Variants in MARCHF1 observed in about 807,000 individuals in gnomAD.
MARCHF1 encodes E3 ubiquitin-protein ligase MARCHF1.
A neutral mutation model predicts 54.2 loss-of-function variants in MARCHF1; 40 were observed. That is an observed-to-expected ratio of 0.74 (90% CI 0.57 to 0.96). The LOEUF is 0.96. Ranked by LOEUF, MARCHF1 falls within the 40% of genes least tolerant of loss-of-function variation. The probability of loss-of-function intolerance (pLI) is 0.00; values close to 1 mark genes in which losing one functional copy is unlikely to be tolerated. For missense variants in MARCHF1, 586 were observed against 656.5 expected (o/e 0.89, Z 1.17); for synonymous variants, 236 against 236.3 (o/e 1.00, Z 0.01).
intron 1 of MARCHF1, among the ~76,000 whole-genome samples, chr4:164,263,921 G>A (rs191762277): frequency 2.0e-5 from 3 of 152,160 alleles, no homozygotes; most frequent in Non-Finnish European, 4.4e-5. Flanking sequence ...TTCAATCATT[G>A]TGCAAAGAAC....
At chr4:163,570,224 A>G (rs779946007) in intron 8 of MARCHF1, among the ~76,000 whole-genome samples, 8 of 152,074 alleles carry the variant, frequency 5.3e-5, no homozygotes, top group Non-Finnish European at 1.2e-4. Context: ...AAAAATGTGC[A>G]CGCTACCCTC....
intron 2 of MARCHF1, among the ~76,000 whole-genome samples, chr4:164,070,068 C>T (rs1754830093): frequency 6.6e-6 from 1 of 152,096 alleles, no homozygotes; most frequent in African/African-American, 2.4e-5. Context: ...AAACATGGAG[C>T]ATACATTGAC....
chr4:163,944,812 T>C (rs947311817), intron 3 of MARCHF1, among the ~76,000 whole-genome samples: 1 of 152,200 alleles, frequency 6.6e-6, no homozygotes, highest in African/African-American at 2.4e-5. Flanking sequence ...TTCAGCCCCA[T>C]GTCCACAGAT....
At chr4:163,728,945 T>A (rs1328386216) in intron 4 of MARCHF1, among the ~76,000 whole-genome samples, 1 of 152,160 alleles carries the variant, frequency 6.6e-6, no homozygotes, top group East Asian at 1.9e-4. Context: ...TTGAGGAAGT[T>A]TTCTTCTATT....
At chr4:163,764,922 T>C (rs1323862051) in intron 4 of MARCHF1, among the ~76,000 whole-genome samples, 1 of 152,140 alleles carries the variant, frequency 6.6e-6, no homozygotes. Context: ...AGAATTCATA[T>C]GATATAAACT....
chr4:164,307,192 C>T (rs1734717772), intron 1 of MARCHF1, among the ~76,000 whole-genome samples: 1 of 152,124 alleles, frequency 6.6e-6, no homozygotes, highest in African/African-American at 2.4e-5. Flanking sequence ...GGACAGGACC[C>T]TCAGATACAT....
At chr4:164,201,344 C>T (rs995282374) in intron 1 of MARCHF1, among the ~76,000 whole-genome samples, 1 of 152,116 alleles carries the variant, frequency 6.6e-6, no homozygotes, top group African/African-American at 2.4e-5. Context: ...CTCAGCCTCC[C>T]TAGTAGTTGG....
At chr4:164,256,858 T>A (rs1010724800) in intron 1 of MARCHF1, among the ~76,000 whole-genome samples, 4 of 152,314 alleles carry the variant, frequency 2.6e-5, no homozygotes, top group Admixed American at 6.5e-5. Flanking sequence ...GGTCATTTTT[T>A]AATGTAATAC....
chr4:163,666,969 T>C (rs982358069), intron 5 of MARCHF1, among the ~76,000 whole-genome samples: 1 of 152,080 alleles, frequency 6.6e-6, no homozygotes, highest in Non-Finnish European at 1.5e-5. Context: ...CCCTGCTTTG[T>C]TGTTTAATTA....
In MARCHF1 at chr4:164,223,763, T is replaced by A. The variant is rs531110299; in HGVS notation, c.-322-112101A>T. The stretch of plus-strand genomic sequence containing the variant: ...CAAAGTGTGTTTCCTGAAATACTAA[T>A]GCTGCTCTTTAAAAAAGTGTTCCTT... On this transcript the variant is annotated intron_variant, in intron 1 of 9. Transcript: ENST00000514618. Among the ~76,000 whole-genome samples the A allele has an allele frequency of 5.3e-5, 8 of 151,910 alleles. No individual in the cohort carries two copies. In the East Asian group the frequency reaches 7.7e-4, roughly 15 times the overall value.
At chr4:164,376,572 C>T (rs1731199961) in intron 1 of MARCHF1, among the ~76,000 whole-genome samples, 1 of 152,096 alleles carries the variant, frequency 6.6e-6, no homozygotes, top group African/African-American at 2.4e-5. Context: ...GCAGTTGGGT[C>T]ACTTCCATGG....
Position 163,835,177 on chromosome 4 carries a change from C to T in MARCHF1, c.111+18844G>A, listed in dbSNP as rs60029902. On this transcript the variant is annotated intron_variant, in intron 4 of 9. Transcript: ENST00000514618. The stretch of plus-strand genomic sequence containing the variant: ...GATAAATGGTATAAACCACCATGTC[C>T]GGGCCATGTAACTATTTATATTAAT... Among the ~76,000 whole-genome samples the T allele has an allele frequency of 3.2e-3, 485 of 152,200 alleles. 2 individuals carry two copies. Among genetic ancestry groups the T allele is most frequent in the East Asian group, 0.012 (62 of 5,178 alleles).
intron 1 of MARCHF1, among the ~76,000 whole-genome samples, chr4:164,373,661 C>A (rs900808702): frequency 3.9e-5 from 6 of 151,932 alleles, no homozygotes; most frequent in African/African-American, 1.5e-4. Context: ...AGCCCAAAAA[C>A]CACTTTATAT....
chr4:163,774,546 G>A (rs1309659792), intron 4 of MARCHF1, among the ~76,000 whole-genome samples: 1 of 146,790 alleles, frequency 6.8e-6, no homozygotes, highest in Non-Finnish European at 1.5e-5. Flanking sequence ...TGCCCAGGCT[G>A]GAGTGCAATG....
chr4:164,369,830 A>G (rs1730985600), intron 1 of MARCHF1, among the ~76,000 whole-genome samples: 1 of 152,224 alleles, frequency 6.6e-6, no homozygotes, highest in Non-Finnish European at 1.5e-5. Flanking sequence ...AGCCTACACA[A>G]TAGAACCTCA....
intron 4 of MARCHF1, among the ~76,000 whole-genome samples, chr4:163,814,498 C>T (rs1257267319): frequency 1.3e-5 from 2 of 152,106 alleles, no homozygotes; most frequent in African/African-American, 2.4e-5. Context: ...GCAGGAGTAT[C>T]GCCTGAACCC....
chr4:163,770,042 T>C (rs1047284175), intron 4 of MARCHF1, among the ~76,000 whole-genome samples: 3 of 151,726 alleles, frequency 2.0e-5, no homozygotes, highest in Non-Finnish European at 4.4e-5. Flanking sequence ...AGATATATTT[T>C]CTCTTCCTTA....
At chr4:163,741,761 T>C (rs940611549) in intron 4 of MARCHF1, among the ~76,000 whole-genome samples, 1 of 152,148 alleles carries the variant, frequency 6.6e-6, no homozygotes, top group Non-Finnish European at 1.5e-5. Context: ...GAGTGTGTTG[T>C]CTTTTTTATG....
chr4:163,843,621 A>G (rs188961334), intron 4 of MARCHF1, among the ~76,000 whole-genome samples: 159 of 151,826 alleles, frequency 1.0e-3, no homozygotes, highest in Non-Finnish European at 1.9e-3. Flanking sequence ...GTGGTTTGCT[A>G]CATCTATCAA....
Sources: gnomAD v4.1 joint callset for allele counts (sites outside exome capture counted in the v4.1 genomes callset) on GRCh38, gnomAD v4.1.1 for gene constraint, MANE v1.5 for transcripts, NCBI Gene and HGNC (gene_info 2026-07-23, HGNC 2026-07-21) for gene names.